SPATS2: variants seen among roughly 807,000 people sequenced by gnomAD.
SPATS2 encodes the protein spermatogenesis-associated serine-rich protein 2.
SPATS2 carries 38 observed loss-of-function variants against 63.7 expected under a neutral mutation model. The ratio of observed to expected loss-of-function variants is 0.60; its 90% confidence interval spans 0.46 to 0.78. The LOEUF is 0.78. Ranked by LOEUF, SPATS2 falls within the 30% of genes least tolerant of loss-of-function variation. SPATS2 has a pLI of 0.00. For missense variants in SPATS2, 588 were observed against 666.2 expected, an observed-to-expected ratio of 0.88 and a Z score of 1.29; for synonymous variants, 207 against 232.9, an observed-to-expected ratio of 0.89 and a Z score of 1.01.
chr12:49,502,318 C>G (rs1235769092), intron 9 of SPATS2, among the ~76,000 whole-genome samples: 1 of 152,268 alleles, frequency 6.6e-6, no homozygotes, highest in African/African-American at 2.4e-5. Flanking sequence ...ATAATGCCTC[C>G]AAAAAGTTAA....
intron 8 of SPATS2, among the ~76,000 whole-genome samples, chr12:49,497,483 C>T (rs1258001855): frequency 6.6e-6 from 1 of 151,828 alleles, no homozygotes; most frequent in Non-Finnish European, 1.5e-5. Flanking sequence ...CAAGCTCCGC[C>T]TCCCGGGTTC....
chr12:49,517,470 A>T (rs1358225083), intron 10 of SPATS2, among the ~76,000 whole-genome samples: 1 of 152,196 alleles, frequency 6.6e-6, no homozygotes, highest in Non-Finnish European at 1.5e-5. Flanking sequence ...TTCTATGTAT[A>T]TCAGTTAGGG....
At chr12:49,398,781 A>G (rs1476622493) in intron 2 of SPATS2, among the ~76,000 whole-genome samples, 2 of 152,166 alleles carry the variant, frequency 1.3e-5, no homozygotes, top group Admixed American at 1.3e-4. Flanking sequence ...TTTTCCAGAA[A>G]ATGATTTGAG....
At chr12:49,399,637 T>G (rs958586706) in intron 2 of SPATS2, among the ~76,000 whole-genome samples, 1 of 152,304 alleles carries the variant, frequency 6.6e-6, no homozygotes, top group East Asian at 1.9e-4. Flanking sequence ...TAAACAGAGA[T>G]TCTAATTAAA....
chr12:49,494,646 A>G (rs188109767), intron 6 of SPATS2, 95 bp from the exon 7 acceptor site: 2 of 1,216,806 alleles, frequency 1.6e-6, no homozygotes, highest in Admixed American at 3.3e-5. Context: ...AATTGGTAAC[A>G]TTGGTTACCT....
chr12:49,409,707 A>G (rs896210544), intron 2 of SPATS2, among the ~76,000 whole-genome samples: 6 of 148,736 alleles, frequency 4.0e-5, no homozygotes, highest in African/African-American at 1.3e-4. Flanking sequence ...GGTTCAAGCA[A>G]TTCTCCTGCC....
At chr12:49,383,891 G>T (rs1423653190) in intron 2 of SPATS2, among the ~76,000 whole-genome samples, 1 of 152,102 alleles carries the variant, frequency 6.6e-6, no homozygotes, top group African/African-American at 2.4e-5. Flanking sequence ...GAAAGGTTGT[G>T]CTCTTCTAAA....
intron 9 of SPATS2, among the ~76,000 whole-genome samples, chr12:49,511,954 T>C (rs1471080295): frequency 6.6e-6 from 1 of 152,232 alleles, no homozygotes; most frequent in African/African-American, 2.4e-5. Flanking sequence ...TTGCTGTGTG[T>C]GTGTATAATA....
In SPATS2 at chr12:49,447,341, C is replaced by T. The variant is rs932471811; in HGVS notation, c.-243-13429C>T. Among the ~76,000 whole-genome samples the T allele has an allele frequency of 2.6e-5, 4 of 152,270 alleles. No individual in the cohort carries two copies. In the South Asian group the frequency reaches 6.2e-4, roughly 24 times the overall value. On this transcript the variant is annotated intron_variant, in intron 2 of 13. Coordinates refer to ENST00000552918, the MANE Select transcript of SPATS2 (RefSeq NM_023071.4). ...GCAACCTCCGCCTCCTGGGTTCAAG[C>T]GATTCTCTTGCCTCAGCCTCCCAAG...
In SPATS2 at chr12:49,461,384, G is replaced by C. The variant is rs113715151; in HGVS notation, c.25+347G>C. Among the ~76,000 whole-genome samples the C allele has an allele frequency of 4.8e-4, 73 of 152,328 alleles. 1 individual carries two copies. The highest frequency in any genetic ancestry group is 1.7e-3 in the African/African-American group (72 of 41,582). On this transcript the variant is annotated intron_variant, in intron 3 of 13. Transcript: ENST00000552918. ...TCTAGAGAAAGGCAGTGGAGCAAGA[G>C]TAAATGTTTCTGGGTTTTGTTTCCT...
chr12:49,480,143 C>A (rs754672824), intron 3 of SPATS2, among the ~76,000 whole-genome samples: 1 of 152,178 alleles, frequency 6.6e-6, no homozygotes, highest in Admixed American at 6.5e-5. Context: ...AATTCAGTAA[C>A]CCCCATGAGA....
At chr12:49,428,072 G>A (rs930063375) in intron 2 of SPATS2, among the ~76,000 whole-genome samples, 3 of 152,064 alleles carry the variant, frequency 2.0e-5, no homozygotes, top group South Asian at 2.1e-4. Flanking sequence ...TGGCTAACAC[G>A]GTGAAACCCC....
intron 8 of SPATS2, among the ~76,000 whole-genome samples, chr12:49,498,145 AATATATATATATAT>A (rs1555191172): frequency 1.0e-5 from 1 of 98,980 alleles, no homozygotes; most frequent in African/African-American, 4.9e-5. Context: ...AAAAAAAAAA[AATATATATATATAT>A]ATATATATAT....
intron 2 of SPATS2, among the ~76,000 whole-genome samples, chr12:49,402,557 C>T (rs1025961493): frequency 2.6e-5 from 4 of 151,980 alleles, no homozygotes; most frequent in African/African-American, 4.8e-5. Flanking sequence ...GGGTAAAGGA[C>T]GAGATTGTCG....
At chr12:49,509,873 A>G (rs983514261) in intron 9 of SPATS2, among the ~76,000 whole-genome samples, 2 of 151,188 alleles carry the variant, frequency 1.3e-5, no homozygotes, top group African/African-American at 4.9e-5. Context: ...GTTATTTTAT[A>G]TGGAAAGAGG....
chr12:49,520,097 A>G (rs558862127), intron 11 of SPATS2, among the ~76,000 whole-genome samples: 65 of 151,850 alleles, frequency 4.3e-4, no homozygotes, highest in Admixed American at 2.9e-3. Context: ...CTCCTGCCTC[A>G]GCCTCCCAAG....
intron 2 of SPATS2, among the ~76,000 whole-genome samples, chr12:49,393,086 ACC>A (rs1944447510): frequency 6.6e-6 from 1 of 152,142 alleles, no homozygotes; most frequent in African/African-American, 2.4e-5. Context: ...CTGTGTACTC[ACC>A]AGTGCTTTGT....
chr12:49,412,605 G>T (rs1944816460), intron 2 of SPATS2, among the ~76,000 whole-genome samples: 1 of 151,968 alleles, frequency 6.6e-6, no homozygotes, highest in African/African-American at 2.4e-5. Context: ...TTCAGGCTGG[G>T]CATGGTGGCT....
chr12:49,465,280 T>C (rs1445034819), intron 3 of SPATS2, among the ~76,000 whole-genome samples: 1 of 152,184 alleles, frequency 6.6e-6, no homozygotes, highest in Admixed American at 6.5e-5. Flanking sequence ...TTTTCCAAGG[T>C]GGCGATACAC....
Sources: gnomAD v4.1 joint callset for allele counts (sites outside exome capture counted in the v4.1 genomes callset) on GRCh38, gnomAD v4.1.1 for gene constraint, MANE v1.5 for transcripts, NCBI Gene and HGNC (gene_info 2026-07-23, HGNC 2026-07-21) for gene names.